Variants in ASB5 observed in about 807,000 individuals in gnomAD.
ASB5 encodes the protein ankyrin repeat and SOCS box containing 5, also known as ankyrin repeat and SOCS box protein 5.
Under a neutral mutation model 42.1 loss-of-function variants are expected in ASB5, and 45 were observed. That is an observed-to-expected ratio of 1.07 (90% CI 0.84 to 1.37). ASB5 has a LOEUF of 1.37. Among genes scored for constraint, ASB5 ranks in the 40% most tolerant of loss-of-function variants. The pLI, the probability that ASB5 is intolerant of heterozygous loss-of-function variation, is 0.00. For missense variants in ASB5, 402 were observed against 399.8 expected, an observed-to-expected ratio of 1.01 and a Z score of -0.05; for synonymous variants, 147 against 150.6, an observed-to-expected ratio of 0.98 and a Z score of 0.18.
intron 1 of ASB5, among the ~76,000 whole-genome samples, chr4:176,230,259 C>T (rs976818980): frequency 3.3e-5 from 5 of 152,022 alleles, no homozygotes; most frequent in South Asian, 2.1e-4. Flanking sequence ...AATCTTTTCC[C>T]CCAAGATAGG....
intron 1 of ASB5, among the ~76,000 whole-genome samples, chr4:176,238,323 T>C (rs1349806163): frequency 6.6e-6 from 1 of 152,152 alleles, no homozygotes; most frequent in Non-Finnish European, 1.5e-5. Context: ...TCCTCTTATT[T>C]ATATAGGCAC....
intron 1 of ASB5, among the ~76,000 whole-genome samples, chr4:176,229,026 T>C (rs1579316968): frequency 6.6e-6 from 1 of 152,342 alleles, no homozygotes; most frequent in East Asian, 1.9e-4. Context: ...GAAGCCACTT[T>C]GTTCAGTTCA....
chr4:176,274,210 T>C (rs1034426046), upstream of ASB5, among the ~76,000 whole-genome samples: 1 of 152,218 alleles, frequency 6.6e-6, no homozygotes, highest in African/African-American at 2.4e-5. Flanking sequence ...AGCATCACGG[T>C]ACCTTCATTG....
intron 1 of ASB5, among the ~76,000 whole-genome samples, chr4:176,267,567 A>C (rs79191756): frequency 0.032 from 4,800 of 152,136 alleles, 278 homozygotes; most frequent in East Asian, 0.28. Flanking sequence ...GTGAGAATTG[A>C]GCCACTCCAC....
chr4:176,264,763 G>A (rs542590949), intron 1 of ASB5, among the ~76,000 whole-genome samples: 1 of 151,896 alleles, frequency 6.6e-6, no homozygotes, highest in Non-Finnish European at 1.5e-5. Context: ...GGGAGAAAAA[G>A]CTATGTTAAA....
intron 1 of ASB5, among the ~76,000 whole-genome samples, chr4:176,276,412 C>A (rs1230527400): frequency 6.6e-6 from 1 of 152,100 alleles, no homozygotes; most frequent in African/African-American, 2.4e-5. Context: ...TCAATCAGCC[C>A]CCCTCTGGTG....
intron 5 of ASB5, among the ~76,000 whole-genome samples, chr4:176,219,235 T>C (rs184082290): frequency 0.17 from 17,909 of 103,548 alleles, 58 homozygotes; most frequent in African/African-American, 0.22. Flanking sequence ...ATTTGTATGA[T>C]ATATAAATAT....
intron 1 of ASB5, chr4:176,275,991 C>G (rs566002041): frequency 6.6e-6 from 1 of 152,306 alleles, no homozygotes; most frequent in South Asian, 2.1e-4. Context: ...GAAAAGGATA[C>G]TACATATTCA....
At chr4:176,252,347 A>T (rs1754059427) in intron 1 of ASB5, among the ~76,000 whole-genome samples, 1 of 152,236 alleles carries the variant, frequency 6.6e-6, no homozygotes, top group African/African-American at 2.4e-5. Flanking sequence ...CACCCGCAAC[A>T]TTCAGCTAGG....
intron 1 of ASB5, among the ~76,000 whole-genome samples, chr4:176,235,630 T>G (rs1753666114): frequency 6.6e-6 from 1 of 152,150 alleles, no homozygotes; most frequent in Non-Finnish European, 1.5e-5. Flanking sequence ...AAATCAAATA[T>G]TATTACTTAT....
At position 176,231,428 on chromosome 4, in the gene ASB5, A is replaced by G. The variant is rs1753540412; in HGVS notation, c.197-6087T>C. ...CTTTATTTGAGAAACTGCTGGTCCT[A>G]ACTTATTTTTTTCTCCTTACAGTAT... On this transcript the variant is annotated intron_variant, in intron 1 of 6. Transcript: ENST00000296525. Among the ~76,000 whole-genome samples the G allele has an allele frequency of 4.5e-5, 5 of 110,842 alleles. No individual in the cohort carries two copies. The South Asian group carries it at 1.4e-3, about 30-fold the overall frequency. 72.7% of individuals were successfully genotyped at this position (110,842 alleles called of 152,430 possible).
chr4:176,256,291 T>A (rs1754154412), intron 1 of ASB5, among the ~76,000 whole-genome samples: 1 of 152,230 alleles, frequency 6.6e-6, no homozygotes, highest in Non-Finnish European at 1.5e-5. Context: ...TATAATTTTG[T>A]TCCCTATTGT....
intron 1 of ASB5, among the ~76,000 whole-genome samples, chr4:176,230,739 A>G (rs1753520520): frequency 6.6e-6 from 1 of 152,184 alleles, no homozygotes; most frequent in Non-Finnish European, 1.5e-5. Context: ...TTCAATATCA[A>G]TATGCTTTAT....
At chr4:176,271,308 G>A (rs551020206), upstream of ASB5, among the ~76,000 whole-genome samples, 16 of 152,234 alleles carry the variant, frequency 1.1e-4, no homozygotes, top group African/African-American at 3.9e-4. Flanking sequence ...GAAATTAGAT[G>A]CTGTATTTTT....
intron 1 of ASB5, among the ~76,000 whole-genome samples, chr4:176,235,048 G>A (rs1159594789): frequency 6.6e-6 from 1 of 152,046 alleles, no homozygotes; most frequent in African/African-American, 2.4e-5. Flanking sequence ...GAAATTTTAG[G>A]GTACAATATT....
At chr4:176,225,478 C>T in intron 1 of ASB5, 137 bp from the exon 2 acceptor site, 1 of 671,270 alleles carries the variant, frequency 1.5e-6, no homozygotes, top group South Asian at 2.1e-5. Flanking sequence ...GATACTTATA[C>T]TGTACATTAG....
chr4:176,223,409 A>G (rs1753280000), intron 2 of ASB5, among the ~76,000 whole-genome samples: 1 of 152,234 alleles, frequency 6.6e-6, no homozygotes, highest in Admixed American at 6.5e-5. Flanking sequence ...AATCAAAACT[A>G]AGTAAACACT....
upstream of ASB5, among the ~76,000 whole-genome samples, chr4:176,272,142 T>G (rs987858598): frequency 1.3e-5 from 2 of 152,206 alleles, no homozygotes; most frequent in African/African-American, 4.8e-5. Context: ...GTTGGACTAT[T>G]CAAAGCTAAG....
At position 176,232,421 on chromosome 4, in the gene ASB5, C is replaced by T. The variant is rs537498161; in HGVS notation, c.197-7080G>A. 6.6e-5 allele frequency among the ~76,000 whole-genome samples: 10 copies of T among 152,076 alleles called. 1 individual carries two copies. In the South Asian group the frequency reaches 1.5e-3, roughly 22 times the overall value. The stretch of plus-strand genomic sequence containing the variant: ...TAGATGTGAGCCACCGAGCCTGGCC[C>T]CTGTAAAATATTAAACCAACAATCG... On this transcript the variant is annotated intron_variant, in intron 1 of 6. Transcript: ENST00000296525.
Sources: gnomAD v4.1 joint callset for allele counts (sites outside exome capture counted in the v4.1 genomes callset) on GRCh38, gnomAD v4.1.1 for gene constraint, MANE v1.5 for transcripts, NCBI Gene and HGNC (gene_info 2026-07-23, HGNC 2026-07-21) for gene names.